Variants in ASTN2 observed in about 807,000 individuals in gnomAD.
ASTN2 encodes the protein astrotactin 2.
A neutral mutation model predicts 139.8 loss-of-function variants in ASTN2; 54 were observed. The observed-to-expected ratio is 0.39, with a 90% confidence interval of 0.31 to 0.48. The LOEUF (loss-of-function observed/expected upper bound fraction) is 0.48, where lower values mean the gene tolerates loss of function less well. Among genes scored for constraint, ASTN2 ranks in the 20% least tolerant of loss-of-function variants. The probability of loss-of-function intolerance (pLI) is 0.95; values close to 1 mark genes in which losing one functional copy is unlikely to be tolerated. For synonymous variants in ASTN2, 756 were observed against 719.5 expected, an observed-to-expected ratio of 1.05 and a Z score of -0.81; for missense variants, 1,565 against 1,725.1, an observed-to-expected ratio of 0.91 and a Z score of 1.64.
At chr9:117,179,766 C>T (rs1831010243) in intron 3 of ASTN2, among the ~76,000 whole-genome samples, 1 of 152,138 alleles carries the variant, frequency 6.6e-6, no homozygotes, top group East Asian at 1.9e-4. Flanking sequence ...TGAAAGACCC[C>T]ACTGCAGATC....
At chr9:116,798,516 C>G (rs1196991219) in intron 13 of ASTN2, among the ~76,000 whole-genome samples, 2 of 152,142 alleles carry the variant, frequency 1.3e-5, no homozygotes, top group Admixed American at 1.3e-4. Flanking sequence ...GACTGCTAGG[C>G]TAGTTAGCCT....
intron 5 of ASTN2, among the ~76,000 whole-genome samples, chr9:117,078,118 ATT>A: frequency 6.6e-6 from 1 of 152,236 alleles, no homozygotes; most frequent in South Asian, 2.1e-4. Context: ...TAGAAATAAT[ATT>A]GTTTCTCACC....
intron 10 of ASTN2, among the ~76,000 whole-genome samples, chr9:116,954,425 G>C (rs995213794): frequency 6.6e-6 from 1 of 152,192 alleles, no homozygotes; most frequent in Non-Finnish European, 1.5e-5. Context: ...ATAAGCAAGG[G>C]ATGCCAATGC....
intron 1 of ASTN2, among the ~76,000 whole-genome samples, chr9:117,379,630 C>T (rs902393848): frequency 1.3e-5 from 2 of 152,276 alleles, no homozygotes; most frequent in Non-Finnish European, 1.5e-5. Flanking sequence ...ACTTGTGAGC[C>T]ATGGCAGGGT....
At chr9:116,977,573 T>C (rs777159489) in intron 7 of ASTN2, among the ~76,000 whole-genome samples, 10 of 152,160 alleles carry the variant, frequency 6.6e-5, no homozygotes, top group South Asian at 2.1e-4. Flanking sequence ...CCAAGTTCAT[T>C]TCAAGTGGCC....
intron 11 of ASTN2, among the ~76,000 whole-genome samples, chr9:116,857,296 C>T (rs909733957): frequency 4.6e-5 from 7 of 152,134 alleles, no homozygotes; most frequent in Non-Finnish European, 1.0e-4. Context: ...ATAGTAGGTG[C>T]CCAGTGAGTG....
At chr9:116,469,601 T>C (rs1447248006) in intron 20 of ASTN2, among the ~76,000 whole-genome samples, 1 of 152,202 alleles carries the variant, frequency 6.6e-6, no homozygotes, top group East Asian at 1.9e-4. Flanking sequence ...TGAACCTTCA[T>C]GAGCCTTCAT....
At chr9:117,375,632 A>T (rs1052159213) in intron 1 of ASTN2, among the ~76,000 whole-genome samples, 1 of 152,228 alleles carries the variant, frequency 6.6e-6, no homozygotes, top group Non-Finnish European at 1.5e-5. Context: ...GCAAGTACAG[A>T]AGCAGGAGAT....
At chr9:116,845,550 T>C (rs1832403273) in intron 11 of ASTN2, among the ~76,000 whole-genome samples, 1 of 152,114 alleles carries the variant, frequency 6.6e-6, no homozygotes, top group Admixed American at 6.5e-5. Context: ...AAAAACAACC[T>C]GATTAAAACA....
At chr9:116,435,713 G>C (rs180811044) in intron 22 of ASTN2, among the ~76,000 whole-genome samples, 1 of 152,036 alleles carries the variant, frequency 6.6e-6, no homozygotes, top group Non-Finnish European at 1.5e-5. Context: ...CTTTTACAAG[G>C]ATTCTTCCTT....
rs1828982545 is a variant in ASTN2, at chr9:117,101,692, A to ATTTG, written c.1169-5542_1169-5541insCAAA. On this transcript the variant is annotated intron_variant, in intron 4 of 22. Coordinates refer to ENST00000313400, the MANE Select transcript of ASTN2 (RefSeq NM_001365068.1). ...TGGACAAATAAATATTCAGAATCTC[A>ATTTG]CTGTTGCTTAATCAAAATTACACAA... Among the ~76,000 whole-genome samples, 4 of 152,302 alleles carry ATTTG rather than the reference A, an allele frequency of 2.6e-5. No homozygotes were observed. The South Asian group carries it at 6.2e-4, about 24-fold the overall frequency.
At chr9:116,452,548 G>C (rs1564286725) in intron 20 of ASTN2, among the ~76,000 whole-genome samples, 2 of 152,230 alleles carry the variant, frequency 1.3e-5, no homozygotes, top group South Asian at 4.1e-4. Flanking sequence ...ATCAGACACA[G>C]TGCTAGAAGC....
chr9:117,233,296 G>C (rs1184394339), intron 2 of ASTN2, among the ~76,000 whole-genome samples: 2 of 152,194 alleles, frequency 1.3e-5, no homozygotes, highest in African/African-American at 2.4e-5. Flanking sequence ...CCAGTACCAG[G>C]CTCAGTGGAA....
At chr9:116,852,547 C>T (rs558790085) in intron 11 of ASTN2, among the ~76,000 whole-genome samples, 99 of 152,154 alleles carry the variant, frequency 6.5e-4, no homozygotes, top group Non-Finnish European at 1.2e-3. Context: ...TCACTGTTTG[C>T]TCCCTCAAGG....
intron 7 of ASTN2, among the ~76,000 whole-genome samples, chr9:116,983,026 C>T (rs1368395571): frequency 1.3e-5 from 2 of 152,176 alleles, no homozygotes; most frequent in African/African-American, 2.4e-5. Context: ...GACTCCCCTC[C>T]CCAAACCCTG....
At chr9:116,565,255 C>CACACACACACACACAT (rs1237588683) in intron 19 of ASTN2, among the ~76,000 whole-genome samples, 8 of 110,944 alleles carry the variant, frequency 7.2e-5, no homozygotes, top group African/African-American at 3.2e-4. Context: ...CACACACACA[C>CACACACACACACACAT]ACATATGCCC....
intron 1 of ASTN2, among the ~76,000 whole-genome samples, chr9:117,406,380 A>G (rs62563486): frequency 0.14 from 21,235 of 152,110 alleles, 2,052 homozygotes; most frequent in East Asian, 0.33. Flanking sequence ...TTAAAATTCT[A>G]CAGAGCTCTT....
chr9:117,057,791 C>A (rs1252217432), intron 5 of ASTN2, among the ~76,000 whole-genome samples: 1 of 152,196 alleles, frequency 6.6e-6, no homozygotes, highest in Non-Finnish European at 1.5e-5. Context: ...ATTGCAAAAG[C>A]CAGCAGGATT....
At chr9:116,895,880 T>TA (rs375917630) in intron 10 of ASTN2, among the ~76,000 whole-genome samples, 1 of 151,902 alleles carries the variant, frequency 6.6e-6, no homozygotes, top group Non-Finnish European at 1.5e-5. Flanking sequence ...TGTCTTTACA[T>TA]AAAAAAAGGG....
Sources: gnomAD v4.1 joint callset for allele counts (sites outside exome capture counted in the v4.1 genomes callset) on GRCh38, gnomAD v4.1.1 for gene constraint, MANE v1.5 for transcripts, NCBI Gene and HGNC (gene_info 2026-07-23, HGNC 2026-07-21) for gene names.